HRG: variants seen among roughly 807,000 people sequenced by gnomAD.
HRG encodes histidine-rich glycoprotein.
HRG carries 26 observed loss-of-function variants against 29.5 expected under a neutral mutation model. That is an observed-to-expected ratio of 0.88 (90% CI 0.65 to 1.22). HRG has a LOEUF of 1.22. Among genes scored for constraint, HRG ranks in the 50% most tolerant of loss-of-function variants. The pLI, the probability that HRG is intolerant of heterozygous loss-of-function variation, is 0.00. For missense variants in HRG, 671 were observed against 654.5 expected (o/e 1.03, Z -0.28); for synonymous variants, 243 against 240.4 (o/e 1.01, Z -0.10).
intron 6 of HRG, among the ~76,000 whole-genome samples, 191 bp from the exon 7 acceptor site, chr3:186,676,856 A>T (rs1719008932): frequency 6.6e-6 from 1 of 152,172 alleles, no homozygotes; most frequent in Non-Finnish European, 1.5e-5. Flanking sequence ...GATGGTGGTA[A>T]ATGATAGTTA....
Position 186,677,376 on chromosome 3 carries a change from T to G in HRG, c.1071T>G (p.His357Gln). 6.2e-7 allele frequency: 1 copy of G among 1,613,670 alleles called. No individual in the cohort carries two copies. The highest frequency in any genetic ancestry group is 8.5e-7 in the Non-Finnish European group (1 of 1,179,872). Reference sequence around the variant, plus strand: ...TCCATCCCCATAAGCATCATTCCCATGAACAGCATCCCCACGGACACCATC... The same window carrying G: ...TCCATCCCCATAAGCATCATTCCCAGGAACAGCATCCCCACGGACACCATC... ...SDLHPHKHHS[H>Q]EQHPHGHHPH... Residue 357 changes from histidine to glutamine, a missense_variant, in exon 7 of 7, where the codon CAT becomes CAG. Transcript: ENST00000232003.
chr3:186,673,306 G>T (rs1269575459), intron 5 of HRG: 1 of 280,994 alleles, frequency 3.6e-6, no homozygotes, highest in Non-Finnish European at 6.9e-6. Flanking sequence ...GTTTCACCAT[G>T]TTGATCAGGT....
At chr3:186,676,948 A>C in intron 6 of HRG, 99 bp from the exon 7 acceptor site, 1 of 1,327,268 alleles carries the variant, frequency 7.5e-7, no homozygotes, top group East Asian at 2.3e-5. Context: ...TGATTTGTGG[A>C]ATCTATGATC....
chr3:186,672,999 G>A, intron 5 of HRG, 132 bp downstream of exon 5: 1 of 721,508 alleles, frequency 1.4e-6, no homozygotes, highest in Non-Finnish European at 2.5e-6. Flanking sequence ...AAATGAGGAG[G>A]AGGAGAAGGA....
chr3:186,671,126 A>C (rs557381498), intron 3 of HRG, among the ~76,000 whole-genome samples: 233 of 151,042 alleles, frequency 1.5e-3, no homozygotes, highest in African/African-American at 5.5e-3. Context: ...GGTTGAGGCC[A>C]GAGGGTTGCT....
Position 186,667,549 on chromosome 3 carries a change from G to T in HRG, c.183+1335G>T, listed in dbSNP as rs184430670. Among the ~76,000 whole-genome samples, 170 of 152,088 alleles carry T rather than the reference G, an allele frequency of 1.1e-3. 1 individual carries two copies. Among genetic ancestry groups the T allele is most frequent in the Admixed American group, 3.7e-3 (57 of 15,246 alleles). ...CCCCAACAATAGCCAAGTGACCAAA[G>T]GAGTGGTAAATGTACTGGAGCAATT... is the stretch of plus-strand genomic sequence containing the variant. On this transcript the variant is annotated intron_variant, in intron 1 of 6. Transcript: ENST00000232003.
At chr3:186,674,100 G>A (rs1718892363) in intron 5 of HRG, 1 of 152,184 alleles carries the variant, frequency 6.6e-6, no homozygotes, top group Admixed American at 6.5e-5. Context: ...CTGGTCAAAA[G>A]GGAGAAACCA....
chr3:186,672,660 A>C (rs1203295131), intron 4 of HRG, 127 bp from the exon 5 acceptor site: 1 of 718,720 alleles, frequency 1.4e-6, no homozygotes, highest in African/African-American at 1.8e-5. Context: ...CATTTTAAAA[A>C]ATGACACATA....
chr3:186,675,641 C>T (rs548697507), intron 6 of HRG, among the ~76,000 whole-genome samples: 36 of 152,190 alleles, frequency 2.4e-4, no homozygotes, highest in Non-Finnish European at 5.0e-4. Flanking sequence ...AGGAATATAT[C>T]AGCCTCAAAT....
intron 1 of HRG, 40 bp downstream of exon 1, chr3:186,666,254 C>T (rs1437137173): frequency 2.5e-6 from 4 of 1,599,008 alleles, no homozygotes; most frequent in Non-Finnish European, 3.4e-6. Context: ...TGGGAGATTA[C>T]TCACGGGGGC....
chr3:186,675,327 G>C lies in HRG; in HGVS notation c.741+137G>C, dbSNP rs1012414964. On this transcript the variant is annotated intron_variant, in intron 6 of 6. Transcript: ENST00000232003. ...TGTGTGTGAGAGAGAGAGAGAGAGA[G>C]AGAGACAGAGACAGAGACAGAGAGA... 17 of 676,698 alleles carry C rather than the reference G, an allele frequency of 2.5e-5. No homozygotes were observed. The African/African-American group carries it at 2.9e-4, about 12-fold the overall frequency. 41.9% of individuals were successfully genotyped at this position (676,698 alleles called of 1,614,324 possible).
intron 1 of HRG, chr3:186,668,578 G>C (rs1718683204): frequency 3.5e-6 from 1 of 285,158 alleles, no homozygotes; most frequent in Non-Finnish European, 6.8e-6. Flanking sequence ...AATAGAGCTG[G>C]GCAAGAGGAC....
In HRG at chr3:186,677,987, A is replaced by G. The variant is rs1020880963; in HGVS notation, c.*104A>G. On this transcript the variant is annotated 3_prime_UTR_variant, in exon 7 of 7. Coordinates refer to ENST00000232003, the MANE Select transcript of HRG (RefSeq NM_000412.5). ...TTACAGTTCTTTTCAACCTACTTTC[A>G]TACTGAAGATGCAGCAAAATGTGAA... 1 of 1,131,390 alleles carries G rather than the reference A, an allele frequency of 8.8e-7. No individual in the cohort carries two copies. Among genetic ancestry groups the G allele is most frequent in the Admixed American group, 2.0e-5 (1 of 50,084 alleles). 70.1% of individuals were successfully genotyped at this position (1,131,390 alleles called of 1,614,324 possible).
chr3:186,670,568 A>G (rs375273434), intron 3 of HRG, among the ~76,000 whole-genome samples: 2 of 152,278 alleles, frequency 1.3e-5, no homozygotes, highest in East Asian at 1.9e-4. Context: ...TATTTTTGAG[A>G]CAGAGTGTCG....
intron 5 of HRG, 158 bp from the exon 6 acceptor site, chr3:186,674,931 A>G (rs1718919322): frequency 1.4e-6 from 1 of 712,804 alleles, no homozygotes; most frequent in Non-Finnish European, 2.6e-6. Context: ...AAGTGTTAAC[A>G]AGGAAAGATT....
intron 5 of HRG, 80 bp downstream of exon 5, chr3:186,672,947 A>C (rs1201044471): frequency 1.1e-6 from 1 of 904,086 alleles, no homozygotes. Context: ...GAGAAGGAGA[A>C]GGAGAGGAAG....
chr3:186,676,712 C>G (rs1719002797), intron 6 of HRG, among the ~76,000 whole-genome samples: 1 of 151,862 alleles, frequency 6.6e-6, no homozygotes, highest in Non-Finnish European at 1.5e-5. Flanking sequence ...ACTTGGGAGG[C>G]TGAGGCAGGA....
chr3:186,666,732 G>A (rs1435836112), intron 1 of HRG, among the ~76,000 whole-genome samples: 1 of 152,012 alleles, frequency 6.6e-6, no homozygotes, highest in Non-Finnish European at 1.5e-5. Context: ...GGCCAACATG[G>A]TGAAACCCTG....
intron 3 of HRG, among the ~76,000 whole-genome samples, chr3:186,671,059 T>G (rs1440406874): frequency 6.6e-6 from 1 of 151,706 alleles, no homozygotes; most frequent in African/African-American, 2.4e-5. Flanking sequence ...GAAGAACTTA[T>G]TAAAATATTA....
Sources: allele counts gnomAD v4.1 joint callset (sites outside exome capture counted in the v4.1 genomes callset), GRCh38; gene constraint gnomAD v4.1.1; transcripts MANE v1.5; gene names NCBI Gene and HGNC (gene_info 2026-07-23, HGNC 2026-07-21).